NTM: variants seen among roughly 807,000 people sequenced by gnomAD.
NTM encodes the protein neurotrimin, also known as IgLON family member 2.
NTM carries 13 observed loss-of-function variants against 42.1 expected under a neutral mutation model. The observed-to-expected ratio is 0.31, with a 90% CI of 0.20 to 0.49. The LOEUF (loss-of-function observed/expected upper bound fraction) is 0.49. NTM is among the 20% of genes least tolerant of loss of function. NTM has a pLI of 0.99. For missense variants in NTM, 373 were observed against 452.8 expected (o/e 0.82, Z 1.60); for synonymous variants, 187 against 179.2 (o/e 1.04, Z -0.35).
intron 2 of NTM, among the ~76,000 whole-genome samples, chr11:132,058,397 G>GA (rs2080067018): frequency 6.6e-6 from 1 of 152,160 alleles, no homozygotes; most frequent in Non-Finnish European, 1.5e-5. Flanking sequence ...TCTGCCCTGC[G>GA]AAGCGGATTA....
chr11:132,254,447 C>A (rs1434873284), intron 4 of NTM, among the ~76,000 whole-genome samples: 1 of 151,812 alleles, frequency 6.6e-6, no homozygotes, highest in African/African-American at 2.4e-5. Flanking sequence ...TCTGTACACA[C>A]CCACTGTGAA....
In NTM at chr11:131,711,350, C is replaced by T. The variant is rs558965989; in HGVS notation, c.83-200214C>T. Among the ~76,000 whole-genome samples the T allele has an allele frequency of 2.6e-5, 4 of 152,290 alleles. No homozygotes were observed. In the South Asian group the frequency reaches 8.3e-4, roughly 32 times the overall value. On this transcript the variant is annotated intron_variant, in intron 1 of 8. Coordinates refer to ENST00000683400, the MANE Select transcript of NTM (RefSeq NM_001352005.2). ...TGAACAGACACTTCTCAAAAGAAGA[C>T]ATTTATGCAGCCAAAAAACACATGA...
Position 132,314,719 on chromosome 11 carries a change from GAGC to G in NTM, c.934+17_934+19del. The G allele has an allele frequency of 6.2e-7, 1 of 1,605,028 alleles. No homozygotes were observed. Among genetic ancestry groups the G allele is most frequent in the Non-Finnish European group, 8.5e-7 (1 of 1,176,198 alleles). Reference sequence around the variant, plus strand: ...ATGCTATTTGGTGAGACTGTGCTCTGAGCTGGGCAAGAAGAGGGGAGAGGGTGC... The same window carrying G: ...ATGCTATTTGGTGAGACTGTGCTCTGTGGGCAAGAAGAGGGGAGAGGGTGC... On this transcript the variant is annotated intron_variant, in intron 7 of 8. Coordinates refer to ENST00000683400, the MANE Select transcript of NTM (RefSeq NM_001352005.2).
chr11:131,528,322 A>C (rs977772917), intron 1 of NTM, among the ~76,000 whole-genome samples: 2 of 151,426 alleles, frequency 1.3e-5, no homozygotes, highest in African/African-American at 4.9e-5. Context: ...AATAAAAATA[A>C]CTGGCATTTA....
intron 2 of NTM, among the ~76,000 whole-genome samples, chr11:131,945,918 C>T (rs2060293045): frequency 6.6e-6 from 1 of 152,142 alleles, no homozygotes; most frequent in South Asian, 2.1e-4. Context: ...TAAATGTCTC[C>T]CAGTGCAGGC....
chr11:132,041,816 C>T (rs1216998386), intron 2 of NTM, among the ~76,000 whole-genome samples: 8 of 152,146 alleles, frequency 5.3e-5, no homozygotes, highest in Non-Finnish European at 1.2e-4. Context: ...AGCAGTGTGA[C>T]TTTCAGCAAG....
At chr11:131,628,826 G>A (rs568577844) in intron 1 of NTM, among the ~76,000 whole-genome samples, 31 of 152,376 alleles carry the variant, frequency 2.0e-4, no homozygotes, top group Middle Eastern at 3.4e-3. Flanking sequence ...AGGGGGCCCT[G>A]AGGAACTGCT....
chr11:131,707,829 G>C (rs1300268099), intron 1 of NTM, among the ~76,000 whole-genome samples: 1 of 152,086 alleles, frequency 6.6e-6, no homozygotes, highest in Non-Finnish European at 1.5e-5. Context: ...ATGGTGAAAA[G>C]CTGAAAACTT....
At chr11:132,070,525 AGTT>A (rs1279230747) in intron 2 of NTM, among the ~76,000 whole-genome samples, 7 of 121,108 alleles carry the variant, frequency 5.8e-5, no homozygotes, top group South Asian at 6.4e-4. Flanking sequence ...CACACAGCCA[AGTT>A]AACACGTCAA....
At position 131,832,844 on chromosome 11, in the gene NTM, G is replaced by T. The variant is rs193275271; in HGVS notation, c.83-78720G>T. ...GGATTAAATATATATATAGACAAGGGCGCTTTAAAAACTGTTAAGTTCTAT... is the reference window on the plus strand; with the variant it reads ...GGATTAAATATATATATAGACAAGGTCGCTTTAAAAACTGTTAAGTTCTAT... On this transcript the variant is annotated intron_variant, in intron 1 of 8. Transcript: ENST00000683400. Among the ~76,000 whole-genome samples, 366 of 152,262 alleles carry T rather than the reference G, an allele frequency of 2.4e-3. 4 individuals are homozygous for T. The highest frequency in any genetic ancestry group is 4.9e-4 in the Non-Finnish European group (33 of 68,014).
At chr11:131,398,246 C>A (rs1944767285) in intron 1 of NTM, among the ~76,000 whole-genome samples, 1 of 152,126 alleles carries the variant, frequency 6.6e-6, no homozygotes, top group Non-Finnish European at 1.5e-5. Flanking sequence ...ACCGAAAGGG[C>A]TTTGGAAAAC....
chr11:132,126,513 G>C (rs57292463), intron 2 of NTM, among the ~76,000 whole-genome samples: 14,685 of 152,194 alleles, frequency 0.096, 873 homozygotes, highest in African/African-American at 0.17. Flanking sequence ...GGCAGTGTGC[G>C]GGGACTTCGC....
intron 1 of NTM, among the ~76,000 whole-genome samples, chr11:131,624,930 C>G (rs1565344030): frequency 6.6e-6 from 1 of 152,132 alleles, no homozygotes; most frequent in Non-Finnish European, 1.5e-5. Flanking sequence ...CATTCATATA[C>G]CTAAAGCATT....
intron 1 of NTM, among the ~76,000 whole-genome samples, chr11:131,479,273 G>T (rs956886451): frequency 1.3e-4 from 20 of 152,172 alleles, no homozygotes; most frequent in Admixed American, 1.2e-3. Context: ...GCTAATAGAA[G>T]TCTCCATACA....
chr11:132,199,687 G>C (rs2080856780), intron 3 of NTM, among the ~76,000 whole-genome samples: 1 of 151,116 alleles, frequency 6.6e-6, no homozygotes, highest in African/African-American at 2.4e-5. Context: ...AGAAAGAAGA[G>C]TTATTGTCAA....
At chr11:132,016,685 A>T (rs1010194294) in intron 2 of NTM, among the ~76,000 whole-genome samples, 1 of 151,998 alleles carries the variant, frequency 6.6e-6, no homozygotes, top group Non-Finnish European at 1.5e-5. Context: ...TAGGTCATAT[A>T]TTAAGTTTAT....
At chr11:132,202,021 CTTCTG>C (rs1278221499) in intron 3 of NTM, among the ~76,000 whole-genome samples, 1 of 152,192 alleles carries the variant, frequency 6.6e-6, no homozygotes, top group Non-Finnish European at 1.5e-5. Flanking sequence ...TCTGTTTTTA[CTTCTG>C]TTCTCTTCCT....
chr11:132,248,368 A>G (rs1349006874), intron 4 of NTM, among the ~76,000 whole-genome samples: 1 of 149,998 alleles, frequency 6.7e-6, no homozygotes, highest in Non-Finnish European at 1.5e-5. Flanking sequence ...TATAATTTAA[A>G]ACTGTGGCAG....
intron 1 of NTM, among the ~76,000 whole-genome samples, chr11:131,876,244 T>C (rs1354910550): frequency 2.0e-5 from 3 of 152,242 alleles, no homozygotes; most frequent in Admixed American, 1.3e-4. Flanking sequence ...GGTGCCTGTG[T>C]ACACACACTT....
Sources: allele counts gnomAD v4.1 joint callset (sites outside exome capture counted in the v4.1 genomes callset), GRCh38; gene constraint gnomAD v4.1.1; transcripts MANE v1.5; gene names NCBI Gene and HGNC (gene_info 2026-07-23, HGNC 2026-07-21).